PDE7B: variants seen among roughly 807,000 people sequenced by gnomAD.
PDE7B encodes the protein 3',5'-cyclic-AMP phosphodiesterase 7B.
PDE7B carries 29 observed loss-of-function variants against 56.2 expected under a neutral mutation model. The observed-to-expected ratio is 0.52, with a 90% CI of 0.38 to 0.70. The LOEUF is 0.70. Among genes scored for constraint, PDE7B ranks in the 30% least tolerant of loss-of-function variants. The pLI is 0.00. For missense variants in PDE7B, 490 were observed against 565.0 expected, an observed-to-expected ratio of 0.87 and a Z score of 1.35; for synonymous variants, 197 against 196.9, an observed-to-expected ratio of 1.00 and a Z score of 0.00.
intron 2 of PDE7B, among the ~76,000 whole-genome samples, chr6:135,967,204 C>T (rs1775010001): frequency 2.6e-5 from 4 of 152,148 alleles, no homozygotes; most frequent in Admixed American, 2.6e-4. Context: ...TGTCCTGGCT[C>T]CTTCCCCAGA....
At chr6:135,991,207 A>G (rs984699709) in intron 2 of PDE7B, among the ~76,000 whole-genome samples, 1 of 152,090 alleles carries the variant, frequency 6.6e-6, no homozygotes, top group Non-Finnish European at 1.5e-5. Flanking sequence ...TCTCGTGCCA[A>G]CATCCTATCT....
intron 2 of PDE7B, among the ~76,000 whole-genome samples, chr6:136,099,934 TTG>T (rs1266873159): frequency 6.6e-6 from 1 of 152,226 alleles, no homozygotes; most frequent in Non-Finnish European, 1.5e-5. Flanking sequence ...TTAATCCATT[TTG>T]AGTTAATTTT....
At chr6:136,087,025 A>G (rs1308872732) in intron 2 of PDE7B, among the ~76,000 whole-genome samples, 1 of 152,210 alleles carries the variant, frequency 6.6e-6, no homozygotes, top group Non-Finnish European at 1.5e-5. Context: ...TCAAAGTTCT[A>G]TCTGCCGTTA....
At chr6:136,009,243 T>C (rs1437804512) in intron 2 of PDE7B, among the ~76,000 whole-genome samples, 3 of 151,992 alleles carry the variant, frequency 2.0e-5, no homozygotes, top group African/African-American at 7.2e-5. Context: ...TGTAGCCTTG[T>C]AGTATAGTTT....
At chr6:135,891,322 C>G (rs1775806648) in intron 1 of PDE7B, among the ~76,000 whole-genome samples, 1 of 152,126 alleles carries the variant, frequency 6.6e-6, no homozygotes, top group African/African-American at 2.4e-5. Context: ...AAATGAAAAT[C>G]TTTGTGTTGA....
intron 1 of PDE7B, among the ~76,000 whole-genome samples, chr6:135,883,222 G>T (rs771737546): frequency 1.3e-5 from 2 of 152,104 alleles, no homozygotes; most frequent in African/African-American, 4.8e-5. Context: ...TCCCCCTAAA[G>T]CCTGTTAAAC....
At chr6:135,931,322 G>A (rs542413823) in intron 1 of PDE7B, among the ~76,000 whole-genome samples, 4 of 152,088 alleles carry the variant, frequency 2.6e-5, no homozygotes, top group Non-Finnish European at 4.4e-5. Flanking sequence ...TATCCAATGC[G>A]AGTGATAGCA....
intron 2 of PDE7B, chr6:136,038,389 G>C (rs948134631): frequency 6.0e-5 from 78 of 1,291,450 alleles, no homozygotes; most frequent in Non-Finnish European, 7.7e-5. Flanking sequence ...GCCGGCCGGG[G>C]TGCCAGCAGG....
At chr6:135,916,793 GA>G (rs1289422534) in intron 1 of PDE7B, among the ~76,000 whole-genome samples, 2 of 151,992 alleles carry the variant, frequency 1.3e-5, no homozygotes, top group Non-Finnish European at 2.9e-5. Flanking sequence ...TTCATTGTCA[GA>G]TATATATTCA....
chr6:136,020,433 T>A, intron 2 of PDE7B, among the ~76,000 whole-genome samples: 1 of 152,358 alleles, frequency 6.6e-6, no homozygotes, highest in South Asian at 2.1e-4. Context: ...GCATATGTTA[T>A]ACCACTTAAT....
At chr6:136,035,193 C>G (rs2128209358) in intron 2 of PDE7B, 1 of 152,296 alleles carries the variant, frequency 6.6e-6, no homozygotes, top group Admixed American at 6.5e-5. Flanking sequence ...TCCCCACCCT[C>G]AGTGATCCAA....
intron 8 of PDE7B, 147 bp downstream of exon 8, chr6:136,155,905 A>G (rs751990185): frequency 3.3e-6 from 3 of 905,522 alleles, no homozygotes; most frequent in East Asian, 5.3e-5. Context: ...GCCCTCAAAA[A>G]TTTGTTCAAA....
In PDE7B at chr6:136,187,097, C is replaced by T. The variant is rs1212537020; in HGVS notation, c.1107C>T (p.Ser369=). 5.8e-6 allele frequency: 9 copies of T among 1,563,754 alleles called. No homozygotes were observed. Among genetic ancestry groups the T allele is most frequent in the Non-Finnish European group, 7.9e-6 (9 of 1,135,596 alleles). Residue 369 remains serine (S), a synonymous_variant, in exon 12 of 13, where the codon TCC becomes TCT. Transcript: ENST00000308191. ...ISPLCNQQKD[S]IPSIQIGFMS... ...CTCTTTGTAATCAACAGAAAGATTC[C>T]ATCCCTAGTATACAAATTGGTGAGT...
Position 135,889,816 on chromosome 6 carries a change from G to A in PDE7B, c.21+37797G>A, listed in dbSNP as rs374429827. ...TGTCACCCGGGAGTGCAAATGACGC[G>A]ATCTCAGCTCACTGCAACCTCTGCC... On this transcript the variant is annotated intron_variant, in intron 1 of 12. Transcript: ENST00000308191. Among the ~76,000 whole-genome samples, 123 of 118,880 alleles carry A rather than the reference G, an allele frequency of 1.0e-3. 1 individual carries two copies. Among genetic ancestry groups the A allele is most frequent in the Middle Eastern group, 6.3e-3 (1 of 158 alleles). The allele number at this position is 118,880 out of a possible 152,430, so 78.0% of individuals were successfully genotyped here. A position where few individuals can be genotyped will look rare whatever the true frequency, so the allele number is the denominator to read the frequency against.
chr6:136,134,845 G>A (rs572309211), intron 3 of PDE7B, among the ~76,000 whole-genome samples: 14 of 151,494 alleles, frequency 9.2e-5, no homozygotes, highest in Non-Finnish European at 1.8e-4. Context: ...ACCTACAAGC[G>A]ATGCAGCAGG....
rs1482720626 is a variant in PDE7B at position 135,915,271 on chromosome 6, G to A, written c.22-32193G>A. 2.0e-5 allele frequency among the ~76,000 whole-genome samples: 3 copies of A among 152,198 alleles called. No homozygotes were observed. The South Asian group carries it at 6.2e-4, about 32-fold the overall frequency. On this transcript the variant is annotated intron_variant, in intron 1 of 12. Coordinates refer to ENST00000308191, the MANE Select transcript of PDE7B (RefSeq NM_018945.4). Reference sequence around the variant, plus strand: ...ACAGCACGTAGGTCTTCGTGTGGATGTATGTTTTCACTTCTCTTGAATAAA... The same window carrying A: ...ACAGCACGTAGGTCTTCGTGTGGATATATGTTTTCACTTCTCTTGAATAAA...
intron 2 of PDE7B, chr6:136,038,127 C>A: frequency 7.6e-7 from 1 of 1,309,642 alleles, no homozygotes. Flanking sequence ...CTTTCCGAAG[C>A]TGGAGAGGAT....
Position 136,178,622 on chromosome 6 carries a change from G to A in PDE7B, c.804-375G>A, listed in dbSNP as rs115681864. 5.5e-3 allele frequency among the ~76,000 whole-genome samples: 829 copies of A among 151,908 alleles called. 10 individuals carry two copies. Among genetic ancestry groups the A allele is most frequent in the African/African-American group, 0.019 (770 of 41,384 alleles). ...TATTGTTATGCCCTTTTCTCTCTCCGTGCACATCTTCATGTTTGAACTCTA... is the reference window on the plus strand; with the variant it reads ...TATTGTTATGCCCTTTTCTCTCTCCATGCACATCTTCATGTTTGAACTCTA... On this transcript the variant is annotated intron_variant, in intron 9 of 12. Coordinates refer to ENST00000308191, the MANE Select transcript of PDE7B (RefSeq NM_018945.4).
chr6:135,995,039 C>T (rs1775540067), intron 2 of PDE7B, among the ~76,000 whole-genome samples: 4 of 152,146 alleles, frequency 2.6e-5, no homozygotes, highest in Admixed American at 1.3e-4. Flanking sequence ...TGAGACCTAT[C>T]CATCCTGCTT....
Sources: allele counts gnomAD v4.1 joint callset (sites outside exome capture counted in the v4.1 genomes callset), GRCh38; gene constraint gnomAD v4.1.1; transcripts MANE v1.5; gene names NCBI Gene and HGNC (gene_info 2026-07-23, HGNC 2026-07-21).